Variants in GPC6 observed in about 807,000 individuals in gnomAD.
The protein encoded by GPC6 is glypican-6.
Under a neutral mutation model 55.2 loss-of-function variants are expected in GPC6, and 14 were observed. The ratio of observed to expected loss-of-function variants is 0.25; its 90% CI spans 0.17 to 0.40. The LOEUF (loss-of-function observed/expected upper bound fraction) is 0.40, where lower values mean the gene tolerates loss of function less well. Ranked by LOEUF, GPC6 falls within the 10% of genes least tolerant of loss-of-function variation. GPC6 has a pLI of 1.00. For missense variants in GPC6, 641 were observed against 708.5 expected, an observed-to-expected ratio of 0.90 and a Z score of 1.08; for synonymous variants, 278 against 259.6, an observed-to-expected ratio of 1.07 and a Z score of -0.68.
intron 1 of GPC6, among the ~76,000 whole-genome samples, chr13:93,515,089 CT>C (rs1881134945): frequency 6.6e-6 from 1 of 152,080 alleles, no homozygotes; most frequent in Non-Finnish European, 1.5e-5. Flanking sequence ...AGCTTGTCTC[CT>C]TTCTCTCTTG....
At chr13:93,231,365 A>ATACG (rs1300130533) in intron 1 of GPC6, among the ~76,000 whole-genome samples, 1 of 16,900 alleles carries the variant, frequency 5.9e-5, no homozygotes, top group Admixed American at 8.1e-4. Flanking sequence ...ATATACGTAT[A>ATACG]TATATATATA....
intron 2 of GPC6, among the ~76,000 whole-genome samples, chr13:93,672,681 A>G: frequency 7.4e-6 from 1 of 135,580 alleles, no homozygotes; most frequent in Admixed American, 7.6e-5. Context: ...ACACACAAAC[A>G]TATATATATA....
intron 4 of GPC6, among the ~76,000 whole-genome samples, chr13:94,260,821 G>T (rs566781643): frequency 3.3e-5 from 5 of 152,256 alleles, no homozygotes; most frequent in Non-Finnish European, 7.4e-5. Context: ...GCATGGTGGA[G>T]GCTGGGTTGA....
the GPC6 span, among the ~76,000 whole-genome samples, chr13:93,217,987 T>C: frequency 6.6e-6 from 1 of 152,168 alleles, no homozygotes; most frequent in South Asian, 2.1e-4. Context: ...TTGGCTGTGA[T>C]TGCAAATGAA....
At chr13:93,988,565 A>G (rs561909980) in intron 3 of GPC6, among the ~76,000 whole-genome samples, 1 of 152,146 alleles carries the variant, frequency 6.6e-6, no homozygotes, top group Non-Finnish European at 1.5e-5. Context: ...TGTCTGGTGA[A>G]GTCTTTCTTC....
chr13:94,121,493 C>A (rs952893685), intron 4 of GPC6, among the ~76,000 whole-genome samples: 1 of 152,078 alleles, frequency 6.6e-6, no homozygotes, highest in African/African-American at 2.4e-5. Flanking sequence ...CAGTAATTAT[C>A]CCTTAGGAAG....
chr13:94,266,610 C>A (rs1891827353), intron 4 of GPC6, among the ~76,000 whole-genome samples: 1 of 152,034 alleles, frequency 6.6e-6, no homozygotes, highest in South Asian at 2.1e-4. Context: ...AAACGCAGCC[C>A]CAGTTATCTC....
At chr13:94,157,599 G>C (rs1246678159) in intron 4 of GPC6, among the ~76,000 whole-genome samples, 2 of 152,190 alleles carry the variant, frequency 1.3e-5, no homozygotes, top group Admixed American at 1.3e-4. Context: ...ACTACGGCTG[G>C]AAAACCAAGT....
chr13:93,753,525 A>G (rs1884670184), intron 2 of GPC6, among the ~76,000 whole-genome samples: 2 of 152,126 alleles, frequency 1.3e-5, no homozygotes, highest in South Asian at 4.1e-4. Flanking sequence ...GCAATGTGTA[A>G]TAAGCACATC....
At chr13:93,674,610 A>T (rs978955428) in intron 2 of GPC6, among the ~76,000 whole-genome samples, 1 of 152,202 alleles carries the variant, frequency 6.6e-6, no homozygotes, top group Non-Finnish European at 1.5e-5. Flanking sequence ...TCCGACTGTC[A>T]GCAGAAATTG....
At chr13:93,591,467 GGA>G (rs1491310505) in intron 2 of GPC6, among the ~76,000 whole-genome samples, 4 of 49,112 alleles carry the variant, frequency 8.1e-5, no homozygotes, top group Non-Finnish European at 1.2e-4. Context: ...CCGTCTCAAA[GGA>G]AAAAAAAAAA....
intron 4 of GPC6, among the ~76,000 whole-genome samples, chr13:94,079,525 G>A (rs747946250): frequency 1.6e-4 from 25 of 152,076 alleles, no homozygotes; most frequent in Non-Finnish European, 2.6e-4. Context: ...ATTTGAGTTC[G>A]TTGAGGACAG....
chr13:94,395,904 C>CTTGT (rs1173965316), intron 7 of GPC6, among the ~76,000 whole-genome samples: 1 of 152,198 alleles, frequency 6.6e-6, no homozygotes, highest in Non-Finnish European at 1.5e-5. Context: ...GGACCCTCTA[C>CTTGT]AAGCTATATC....
chr13:94,168,792 C>T (rs1352646321), intron 4 of GPC6, among the ~76,000 whole-genome samples: 6 of 150,310 alleles, frequency 4.0e-5, no homozygotes, highest in Non-Finnish European at 8.9e-5. Flanking sequence ...CATGATTTTA[C>T]ATTAATTATT....
chr13:94,135,687 T>A (rs547053607), intron 4 of GPC6, among the ~76,000 whole-genome samples: 47 of 152,208 alleles, frequency 3.1e-4, no homozygotes, highest in Non-Finnish European at 5.7e-4. Flanking sequence ...TACCTATTTT[T>A]TATTATAAAG....
At chr13:94,155,830 C>T (rs1434527233) in intron 4 of GPC6, among the ~76,000 whole-genome samples, 1 of 152,138 alleles carries the variant, frequency 6.6e-6, no homozygotes, top group Non-Finnish European at 1.5e-5. Flanking sequence ...CTGCCACACC[C>T]CCACCCATAC....
chr13:93,227,505 C>T lies in GPC6; in HGVS notation c.49C>T (p.Leu17Phe). The change falls in exon 1 of 9, where the codon CTC becomes TTC. Residue 17 changes from leucine to phenylalanine, a missense_variant. Coordinates refer to ENST00000377047, the MANE Select transcript of GPC6 (RefSeq NM_005708.5). This position sits in a 1 kb window ranked among gnomAD's most constrained non-coding sequence, Gnocchi z 4.3. ...GATTCTTCCCCTCTTGGGGCTGCTG[C>T]TCTCCCTCCCCGCCGGGGCGGATGT... Reference protein sequence around the residue: ...AVILPLLGLLLSLPAGADVKA... With the variant: ...AVILPLLGLLFSLPAGADVKA... 1 of 1,613,880 alleles carries T rather than the reference C, an allele frequency of 6.2e-7. No homozygotes were observed. Among genetic ancestry groups the T allele is most frequent in the Non-Finnish European group, 8.5e-7 (1 of 1,179,808 alleles).
chr13:94,317,665 G>GT (rs911733937), intron 6 of GPC6, among the ~76,000 whole-genome samples: 19 of 151,900 alleles, frequency 1.3e-4, no homozygotes, highest in Non-Finnish European at 2.2e-4. Context: ...CTTTTGTCAA[G>GT]TTTTTTTTGA....
intron 4 of GPC6, among the ~76,000 whole-genome samples, chr13:94,052,439 T>C (rs1415735): frequency 1 from 151,504 of 152,244 alleles, 75,387 homozygotes; most frequent in Middle Eastern, 1. Flanking sequence ...TGGTTGGGGC[T>C]AGGTTATGAA....
Sources: allele counts gnomAD v4.1 joint callset (sites outside exome capture counted in the v4.1 genomes callset), GRCh38; gene constraint gnomAD v4.1.1; non-coding constraint Gnocchi (gnomAD v3.1); transcripts MANE v1.5; gene names NCBI Gene and HGNC (gene_info 2026-07-23, HGNC 2026-07-21).